Variants in PACSIN2 observed in about 807,000 individuals in gnomAD.
The protein encoded by PACSIN2 is protein kinase C and casein kinase substrate in neurons protein 2.
Under a neutral mutation model 63.8 loss-of-function variants are expected in PACSIN2, and 25 were observed. The ratio of observed to expected loss-of-function variants is 0.39; its 90% confidence interval spans 0.29 to 0.55. The LOEUF (loss-of-function observed/expected upper bound fraction) is 0.55. Among genes scored for constraint, PACSIN2 ranks in the 20% least tolerant of loss-of-function variants. PACSIN2 has a pLI of 0.62. For synonymous variants in PACSIN2, 255 were observed against 256.2 expected, an observed-to-expected ratio of 1.00 and a Z score of 0.05; for missense variants, 518 against 646.9, an observed-to-expected ratio of 0.80 and a Z score of 2.16.
chr22:42,927,010 T>A (rs1304473186), intron 1 of PACSIN2, among the ~76,000 whole-genome samples: 1 of 152,152 alleles, frequency 6.6e-6, no homozygotes, highest in African/African-American at 2.4e-5. Context: ...CTCCCCACAC[T>A]GCCAAGCCCA....
chr22:42,894,093 C>T (rs529255395), intron 2 of PACSIN2, among the ~76,000 whole-genome samples: 45 of 152,288 alleles, frequency 3.0e-4, no homozygotes, highest in Admixed American at 2.4e-3. Flanking sequence ...ATGTGCCAGG[C>T]GACCTGCTAG....
At chr22:42,955,909 T>A (rs1469712459) in intron 1 of PACSIN2, among the ~76,000 whole-genome samples, 2 of 152,236 alleles carry the variant, frequency 1.3e-5, no homozygotes, top group Non-Finnish European at 2.9e-5. Context: ...CATTTCATTA[T>A]CCCCAAAACT....
chr22:42,891,321 G>A (rs562876408), intron 3 of PACSIN2, 139 bp from the exon 4 acceptor site: 2 of 613,708 alleles, frequency 3.3e-6, no homozygotes, highest in Non-Finnish European at 5.7e-6. Context: ...TTCTCTCAGG[G>A]ACTCTGTGCC....
intron 5 of PACSIN2, among the ~76,000 whole-genome samples, chr22:42,887,555 A>C (rs554456328): frequency 1.1e-3 from 172 of 152,106 alleles, no homozygotes; most frequent in African/African-American, 4.0e-3. Context: ...CTCTCTGCAA[A>C]TCCTGGTTGG....
intron 2 of PACSIN2, among the ~76,000 whole-genome samples, chr22:42,894,162 T>C (rs1160471736): frequency 6.6e-6 from 1 of 152,130 alleles, no homozygotes; most frequent in Non-Finnish European, 1.5e-5. Flanking sequence ...GTCCCCATTT[T>C]ACAGATGAGG....
intron 1 of PACSIN2, among the ~76,000 whole-genome samples, chr22:42,912,624 G>A (rs955029665): frequency 2.0e-5 from 3 of 152,192 alleles, no homozygotes; most frequent in Non-Finnish European, 2.9e-5. Context: ...GACACTGTCT[G>A]TGTGTGGCTC....
intron 2 of PACSIN2, among the ~76,000 whole-genome samples, chr22:42,907,155 G>C (rs1931131357): frequency 6.6e-6 from 1 of 152,342 alleles, no homozygotes; most frequent in South Asian, 2.1e-4. Context: ...GCTCAGCTTG[G>C]CTGGAGCCCA....
At chr22:42,982,335 G>A (rs563133673) in intron 1 of PACSIN2, among the ~76,000 whole-genome samples, 6 of 100,502 alleles carry the variant, frequency 6.0e-5, no homozygotes, top group African/African-American at 2.6e-4. Context: ...TGGGAAGTGA[G>A]GAGCCCCTCT....
intron 9 of PACSIN2, 64 bp downstream of exon 9, chr22:42,876,824 C>CGG: frequency 6.4e-7 from 1 of 1,565,736 alleles, no homozygotes; most frequent in Non-Finnish European, 8.8e-7. Context: ...GACCCCTGGA[C>CGG]AGAGAGAGAG....
intron 10 of PACSIN2, among the ~76,000 whole-genome samples, chr22:42,872,995 G>GA: frequency 6.6e-6 from 1 of 152,178 alleles, no homozygotes; most frequent in East Asian, 1.9e-4. Context: ...CCGAGGCTAG[G>GA]ATGAGGCCTG....
At chr22:42,990,537 A>G (rs1415665659) in intron 1 of PACSIN2, among the ~76,000 whole-genome samples, 1 of 152,132 alleles carries the variant, frequency 6.6e-6, no homozygotes, top group Non-Finnish European at 1.5e-5. Flanking sequence ...GGGGCAAAAC[A>G]CCTGGAGGGA....
intron 4 of PACSIN2, among the ~76,000 whole-genome samples, chr22:42,889,204 C>T (rs547798024): frequency 2.0e-5 from 3 of 151,806 alleles, no homozygotes; most frequent in African/African-American, 4.8e-5. Flanking sequence ...ACATGGAGCA[C>T]GCACATGGAA....
At chr22:42,886,000 C>T (rs1436262975) in intron 5 of PACSIN2, among the ~76,000 whole-genome samples, 4 of 152,320 alleles carry the variant, frequency 2.6e-5, no homozygotes, top group African/African-American at 7.2e-5. Context: ...GTGGGTTCAG[C>T]GCCCAGCATC....
intron 1 of PACSIN2, among the ~76,000 whole-genome samples, chr22:42,975,217 T>C (rs1433645072): frequency 6.6e-6 from 1 of 152,208 alleles, no homozygotes; most frequent in Non-Finnish European, 1.5e-5. Flanking sequence ...TCCCACCATA[T>C]TCACCACAAG....
Position 42,951,502 on chromosome 22 carries a change from T to G in PACSIN2, c.-77-39345A>C, listed in dbSNP as rs1933689987. Among the ~76,000 whole-genome samples the G allele has an allele frequency of 2.0e-5, 3 of 152,122 alleles. No homozygotes were observed. The South Asian group carries it at 6.2e-4, about 32-fold the overall frequency. On this transcript the variant is annotated intron_variant, in intron 1 of 10. Transcript: ENST00000263246. ...TGGCCCGAGCTGCTGGCTCAGCATC[T>G]CCCCCTGGGAGGCTCACGGGCCTCT...
At chr22:42,973,762 C>G (rs919806538) in intron 1 of PACSIN2, among the ~76,000 whole-genome samples, 7 of 152,244 alleles carry the variant, frequency 4.6e-5, no homozygotes, top group Non-Finnish European at 8.8e-5. Context: ...GCCCATCCTC[C>G]ACTCCCGTCT....
chr22:42,926,439 G>A (rs1393074558), intron 1 of PACSIN2, among the ~76,000 whole-genome samples: 1 of 152,020 alleles, frequency 6.6e-6, no homozygotes, highest in Admixed American at 6.6e-5. Flanking sequence ...AACCATCACC[G>A]AAAACCAGAG....
At chr22:42,923,105 TCTG>T (rs1273760986) in intron 1 of PACSIN2, among the ~76,000 whole-genome samples, 1 of 152,194 alleles carries the variant, frequency 6.6e-6, no homozygotes, top group East Asian at 1.9e-4. Context: ...AAAGGACTAA[TCTG>T]GCATCATAGA....
chr22:42,966,147 G>A lies in PACSIN2; in HGVS notation c.-78+48874C>T, dbSNP rs998788732. Among the ~76,000 whole-genome samples, 7 of 152,204 alleles carry A rather than the reference G, an allele frequency of 4.6e-5. No homozygotes were observed. The East Asian group carries it at 1.2e-3, about 25-fold the overall frequency. ...AGCACTTTGGGAGGCTGAGGCAGGC[G>A]GATCACGAGGTCAAGAGATCGAGAC... On this transcript the variant is annotated intron_variant, in intron 1 of 10. Coordinates refer to ENST00000263246, the MANE Select transcript of PACSIN2 (RefSeq NM_001184970.3).
Sources: gnomAD v4.1 joint callset for allele counts (sites outside exome capture counted in the v4.1 genomes callset) on GRCh38, gnomAD v4.1.1 for gene constraint, MANE v1.5 for transcripts, NCBI Gene and HGNC (gene_info 2026-07-23, HGNC 2026-07-21) for gene names.